The following SLC25A27 variants were observed in gnomAD, a reference collection of about 807,000 sequenced individuals.
SLC25A27 encodes the protein solute carrier family 25 member 27.
A neutral mutation model predicts 49.1 loss-of-function variants in SLC25A27; 35 were observed. The ratio of observed to expected loss-of-function variants is 0.71; its 90% CI spans 0.54 to 0.95. The LOEUF (loss-of-function observed/expected upper bound fraction) is 0.95, where lower values mean the gene tolerates loss of function less well. SLC25A27 is among the 40% of genes least tolerant of loss of function. The pLI, the probability that SLC25A27 is intolerant of heterozygous loss-of-function variation, is 0.00. For missense variants in SLC25A27, 339 were observed against 397.1 expected (o/e 0.85, Z 1.24); for synonymous variants, 144 against 136.9 (o/e 1.05, Z -0.36).
intron 2 of SLC25A27, among the ~76,000 whole-genome samples, chr6:46,656,426 A>C (rs1220327999): frequency 1.3e-5 from 2 of 151,444 alleles, no homozygotes; most frequent in African/African-American, 4.9e-5. Context: ...GCTCACTGCA[A>C]CCTTTGTCTC....
chr6:46,661,311 A>G (rs1436705584), intron 3 of SLC25A27, among the ~76,000 whole-genome samples: 2 of 152,216 alleles, frequency 1.3e-5, no homozygotes, highest in South Asian at 2.1e-4. Context: ...GTGCAAATTG[A>G]TAAAGGTTTT....
chr6:46,668,699 C>A lies in SLC25A27; in HGVS notation c.620-10C>A. On this transcript the variant is annotated splice_polypyrimidine_tract_variant and intron_variant, in intron 5 of 8. Coordinates refer to ENST00000371347, the MANE Select transcript of SLC25A27 (RefSeq NM_004277.5). ...TGACTGATGAATATTTAAACTTTTT[C>A]CATTGCCAGATTTAACCACTTATGA... 1 of 1,543,092 alleles carries A rather than the reference C, an allele frequency of 6.5e-7. No homozygotes were observed.
At chr6:46,668,588 CAAG>C (rs1763400220) in intron 5 of SLC25A27, 118 bp from the exon 6 acceptor site, 2 of 628,774 alleles carry the variant, frequency 3.2e-6, no homozygotes, top group East Asian at 5.3e-5. Context: ...TCCTTGAGAA[CAAG>C]AAGGATTCCT....
At chr6:46,664,335 T>C (rs1480199315) in intron 4 of SLC25A27, among the ~76,000 whole-genome samples, 2 of 152,204 alleles carry the variant, frequency 1.3e-5, no homozygotes, top group Non-Finnish European at 2.9e-5. Context: ...TCTTAGTCTG[T>C]CATTTTTTAT....
rs1763860534 is a variant in SLC25A27 at position 46,678,030 on chromosome 6, T to TTTTATATATATATATATATATATA, written c.*1577_*1578insTTATATATATATATATATATATAT. The TTTTATATATATATATATATATATA allele has an allele frequency of 9.9e-6, 1 of 100,630 alleles. No individual in the cohort carries two copies. 6.2% of individuals were successfully genotyped at this position (100,630 alleles called of 1,614,324 possible). A position where few individuals can be genotyped will look rare whatever the true frequency, so the allele number is the denominator to read the frequency against. ...CAATATGTAATTGCGTTGTAAAATA[T>TTTTATATATATATATATATATATA]TATATATATATATATATATATATAT... On this transcript the variant is annotated 3_prime_UTR_variant, in exon 9 of 9. Transcript: ENST00000371347.
rs1417431184 is a variant in SLC25A27 at position 46,653,147 on chromosome 6, G to C, written c.-46G>C. ...GAAGCGGCCGCCGCGGCGCGGTGCAGCGCAGCGGCGAGAAGGAGTGCGTTA... is the reference window on the plus strand; with the variant it reads ...GAAGCGGCCGCCGCGGCGCGGTGCACCGCAGCGGCGAGAAGGAGTGCGTTA... On this transcript the variant is annotated 5_prime_UTR_variant, in exon 1 of 9. Transcript: ENST00000371347. 2 of 1,560,026 alleles carry C rather than the reference G, an allele frequency of 1.3e-6. No individual in the cohort carries two copies. The highest frequency in any genetic ancestry group is 1.1e-5 in the South Asian group (1 of 88,160).
intron 1 of SLC25A27, among the ~76,000 whole-genome samples, chr6:46,655,541 T>G (rs1000589404): frequency 0.024 from 597 of 24,898 alleles, 6 homozygotes; most frequent in African/African-American, 0.086. Context: ...GTTTGTTTTT[T>G]TTTTTTTTTT....
At chr6:46,664,596 T>C (rs1763265377) in intron 4 of SLC25A27, among the ~76,000 whole-genome samples, 178 bp from the exon 5 acceptor site, 1 of 152,244 alleles carries the variant, frequency 6.6e-6, no homozygotes, top group Admixed American at 6.5e-5. Flanking sequence ...TCTAAAGGAT[T>C]ATTATGTTTA....
chr6:46,668,902 C>A, intron 6 of SLC25A27, 109 bp downstream of exon 6: 1 of 633,138 alleles, frequency 1.6e-6, no homozygotes, highest in East Asian at 2.6e-5. Context: ...CTGGCATCAC[C>A]TTTAGAGAAG....
chr6:46,653,191 G>A lies in SLC25A27; in HGVS notation c.-2G>A, dbSNP rs1164038559. 2.5e-6 allele frequency: 4 copies of A among 1,612,796 alleles called. No homozygotes were observed. The highest frequency in any genetic ancestry group is 3.3e-4 in the Middle Eastern group (2 of 6,082). On this transcript the variant is annotated 5_prime_UTR_variant, in exon 1 of 9. Transcript: ENST00000371347. ...TGCGTTATCGTCTTGCGCTACTGCT[G>A]AATGTCCGTCCCGGAGGAGGAGGAG...
At chr6:46,657,996 T>G (rs528867782) in intron 2 of SLC25A27, among the ~76,000 whole-genome samples, 39 of 152,344 alleles carry the variant, frequency 2.6e-4, no homozygotes, top group Non-Finnish European at 5.3e-4. Context: ...TTATAGCTTG[T>G]GTACAGGAGA....
rs376251804 is a variant in SLC25A27, at chr6:46,655,954, G to T, written c.218G>T (p.Arg73Leu). Reference sequence around the variant, plus strand: ...TCTGCCCCCTATAGGGGAATGGTGCGCACAGCTCTAGGGATCATTGAAGAG... The same window carrying T: ...TCTGCCCCCTATAGGGGAATGGTGCTCACAGCTCTAGGGATCATTGAAGAG... Reference protein sequence around the residue: ...RESAPYRGMVRTALGIIEEEG... With the variant: ...RESAPYRGMVLTALGIIEEEG... Residue 73 changes from arginine to leucine, a missense_variant, in exon 2 of 9, where the codon CGC becomes CTC. Transcript: ENST00000371347. 3 of 1,613,716 alleles carry T rather than the reference G, an allele frequency of 1.9e-6. No individual in the cohort carries two copies. The highest frequency in any genetic ancestry group is 2.5e-6 in the Non-Finnish European group (3 of 1,179,930).
intron 8 of SLC25A27, among the ~76,000 whole-genome samples, chr6:46,672,924 CA>C (rs1271517564): frequency 6.6e-5 from 10 of 152,222 alleles, no homozygotes; most frequent in Admixed American, 5.9e-4. Flanking sequence ...AAGTAATAGC[CA>C]AAGCCCTTGG....
At position 46,656,002 on chromosome 6, in the gene SLC25A27, A is replaced by G. The variant is rs1762966208; in HGVS notation, c.266A>G (p.Gln89Arg). The change falls in exon 2 of 9, where the codon CAA (glutamine) becomes CGA (arginine). Residue 89 changes from glutamine (Q) to arginine (R), a missense_variant. Physicochemically the swap from Gln to Arg is conservative, Grantham distance 43. Transcript: ENST00000371347. ...GAGGAAGGCTTTCTAAAGCTTTGGC[A>G]AGGAGTGACACCCGCCATTTACAGA... The part of the protein sequence containing the change: ...IEEEGFLKLW[Q>R]GVTPAIYRHV... The G allele has an allele frequency of 6.2e-7, 1 of 1,611,656 alleles. No homozygotes were observed. The highest frequency in any genetic ancestry group is 1.1e-5 in the South Asian group (1 of 90,360).
chr6:46,655,516 A>G (rs1199370429), intron 1 of SLC25A27, among the ~76,000 whole-genome samples: 1 of 96,030 alleles, frequency 1.0e-5, no homozygotes, highest in East Asian at 2.7e-4. Context: ...TGTCATTTTA[A>G]TTTTTATTGT....
chr6:46,673,913 T>A (rs572184117), intron 8 of SLC25A27, among the ~76,000 whole-genome samples: 1 of 152,320 alleles, frequency 6.6e-6, no homozygotes, highest in African/African-American at 2.4e-5. Context: ...GTTAGATGAC[T>A]GTAGAAATGG....
intron 8 of SLC25A27, among the ~76,000 whole-genome samples, chr6:46,672,941 C>T (rs1224198151): frequency 2.6e-5 from 4 of 152,090 alleles, no homozygotes; most frequent in African/African-American, 9.7e-5. Flanking sequence ...CTTGGCAATA[C>T]CTGATAAAAG....
chr6:46,666,927 A>T (rs934808939), intron 5 of SLC25A27, among the ~76,000 whole-genome samples: 12 of 152,040 alleles, frequency 7.9e-5, no homozygotes, highest in African/African-American at 2.9e-4. Context: ...TCCATCTTCC[A>T]GATATATCTC....
chr6:46,664,929 T>A, intron 5 of SLC25A27, 43 bp downstream of exon 5: 1 of 960,422 alleles, frequency 1.0e-6, no homozygotes, highest in Non-Finnish European at 1.6e-6. Context: ...CTAATTGCCT[T>A]AATAGCTGTA....
Sources: gnomAD v4.1 joint callset for allele counts (sites outside exome capture counted in the v4.1 genomes callset) on GRCh38, gnomAD v4.1.1 for gene constraint, MANE v1.5 for transcripts, NCBI Gene and HGNC (gene_info 2026-07-23, HGNC 2026-07-21) for gene names.